Variants in AFF4 observed in about 807,000 individuals in gnomAD.
The protein encoded by AFF4 is AF4/FMR2 family member 4.
A neutral mutation model predicts 124.8 loss-of-function variants in AFF4; 13 were observed. The observed-to-expected ratio is 0.10, with a 90% CI of 0.07 to 0.17. The LOEUF is 0.17. Among genes scored for constraint, AFF4 ranks in the 10% least tolerant of loss-of-function variants. The pLI is 1.00. For synonymous variants in AFF4, 477 were observed against 496.1 expected, an observed-to-expected ratio of 0.96 and a Z score of 0.51; for missense variants, 1,092 against 1,403.8, an observed-to-expected ratio of 0.78 and a Z score of 3.55.
chr5:132,878,836 A>C lies in AFF4; in HGVS notation c.*2223T>G, dbSNP rs2150059557. 1 of 223,986 alleles carries C rather than the reference A, an allele frequency of 4.5e-6. No homozygotes were observed. Among genetic ancestry groups the C allele is most frequent in the Admixed American group, 5.7e-5 (1 of 17,506 alleles). 13.9% of individuals were successfully genotyped at this position (223,986 alleles called of 1,614,324 possible). The stretch of plus-strand genomic sequence containing the variant: ...TTCAGGACATACAAGAGACTAGAAC[A>C]CAAGAACTCAGAGGTATCCCACTGG... On this transcript the variant is annotated 3_prime_UTR_variant, in exon 21 of 21. Coordinates refer to ENST00000265343, the MANE Select transcript of AFF4 (RefSeq NM_014423.4).
chr5:132,881,334 A>G (rs1759973029), intron 20 of AFF4, 148 bp from the exon 21 acceptor site: 1 of 822,474 alleles, frequency 1.2e-6, no homozygotes, highest in South Asian at 1.9e-5. Flanking sequence ...TTTTAGAGCA[A>G]ATCATTCCAT....
At chr5:132,932,289 T>C in intron 3 of AFF4, 67 bp from the exon 4 acceptor site, 1 of 1,354,496 alleles carries the variant, frequency 7.4e-7, no homozygotes, top group Non-Finnish European at 1.0e-6. Flanking sequence ...TTCACAGATT[T>C]AAAAACATTA....
chr5:132,894,876 C>G (rs946007268), intron 11 of AFF4, among the ~76,000 whole-genome samples: 1 of 152,174 alleles, frequency 6.6e-6, no homozygotes, highest in Admixed American at 6.5e-5. Flanking sequence ...ATCACTTGAA[C>G]CCGGCAGTTT....
At position 132,911,634 on chromosome 5, in the gene AFF4, T is replaced by C. The variant is rs192756376; in HGVS notation, c.1051-7230A>G. 5.2e-4 allele frequency among the ~76,000 whole-genome samples: 78 copies of C among 151,224 alleles called. No individual in the cohort carries two copies. In the Middle Eastern group the frequency reaches 0.017, roughly 33 times the overall value. ...TTTAAGGGGCCTAATATACATGTAA[T>C]TGGAGTCCTTGAAGACGACGACAAA... On this transcript the variant is annotated intron_variant, in intron 5 of 20. Coordinates refer to ENST00000265343, the MANE Select transcript of AFF4 (RefSeq NM_014423.4).
At chr5:132,905,048 C>CA (rs66981854) in intron 5 of AFF4, among the ~76,000 whole-genome samples, 62,951 of 118,102 alleles carry the variant, frequency 0.53, 15,753 homozygotes, top group East Asian at 0.78. Context: ...GACTCCATCT[C>CA]AAAAAAAAAA....
At chr5:132,955,311 G>A (rs1013077851) in intron 1 of AFF4, among the ~76,000 whole-genome samples, 1 of 152,046 alleles carries the variant, frequency 6.6e-6, no homozygotes, top group Non-Finnish European at 1.5e-5. Context: ...GGGATGTGAA[G>A]TTCTTATTTA....
chr5:132,880,899 A>G lies in AFF4; in HGVS notation c.*160T>C. 1.2e-6 allele frequency: 1 copy of G among 812,856 alleles called. No individual in the cohort carries two copies. Among genetic ancestry groups the G allele is most frequent in the Non-Finnish European group, 1.8e-6 (1 of 551,212 alleles). The allele number at this position is 812,856 out of a possible 1,614,324, so 50.4% of individuals were successfully genotyped here. A position where few individuals can be genotyped will look rare whatever the true frequency, so the allele number is the denominator to read the frequency against. ...TGGAAATATTAAAGGGCCAACTGAC[A>G]TGATCGCTTTGGATTATCAAAAACA... On this transcript the variant is annotated 3_prime_UTR_variant, in exon 21 of 21. Coordinates refer to ENST00000265343, the MANE Select transcript of AFF4 (RefSeq NM_014423.4).
At chr5:132,891,309 T>G (rs1581273127) in intron 13 of AFF4, among the ~76,000 whole-genome samples, 1 of 152,268 alleles carries the variant, frequency 6.6e-6, no homozygotes, top group South Asian at 2.1e-4. Context: ...AATTTTAATT[T>G]TACCAGTTAA....
intron 5 of AFF4, among the ~76,000 whole-genome samples, chr5:132,919,368 T>C (rs1029228985): frequency 2.6e-5 from 4 of 152,124 alleles, no homozygotes; most frequent in South Asian, 2.1e-4. Context: ...ATGTCAGAAA[T>C]GCATCACACA....
intron 1 of AFF4, among the ~76,000 whole-genome samples, chr5:132,949,351 G>A (rs1761775801): frequency 6.6e-6 from 1 of 151,392 alleles, no homozygotes; most frequent in Admixed American, 6.6e-5. Flanking sequence ...CTGGCTCTCT[G>A]CCATCTTTTG....
rs796272908 is a variant in AFF4, at chr5:132,963,469, G to C, written c.-215C>G. On this transcript the variant is annotated 5_prime_UTR_variant, in exon 1 of 21. Transcript: ENST00000265343. Reference sequence around the variant, plus strand: ...GCGGCGGCAGCGATGCGCCTCACACGGAACAGGCGTAGGCCCCGCACCGCT... The same window carrying C: ...GCGGCGGCAGCGATGCGCCTCACACCGAACAGGCGTAGGCCCCGCACCGCT... 2.5e-6 allele frequency: 1 copy of C among 398,070 alleles called. No homozygotes were observed. Among genetic ancestry groups the C allele is most frequent in the African/African-American group, 2.1e-5 (1 of 48,594 alleles). The allele number at this position is 398,070 out of a possible 1,614,324, so 24.7% of individuals were successfully genotyped here.
chr5:132,880,056 G>A lies in AFF4; in HGVS notation c.*1003C>T, dbSNP rs1305050895. The A allele has an allele frequency of 5.1e-6, 2 of 394,984 alleles. No individual in the cohort carries two copies. Among genetic ancestry groups the A allele is most frequent in the Admixed American group, 4.4e-5 (1 of 22,592 alleles). The allele number at this position is 394,984 out of a possible 1,614,324, so 24.5% of individuals were successfully genotyped here. On this transcript the variant is annotated 3_prime_UTR_variant, in exon 21 of 21. Transcript: ENST00000265343. ...TCAGAGCATCACAATCCAGTATGAGGGGGAAAAATCTGAAAAATAACTCTA... is the reference window on the plus strand; with the variant it reads ...TCAGAGCATCACAATCCAGTATGAGAGGGAAAAATCTGAAAAATAACTCTA...
intron 2 of AFF4, among the ~76,000 whole-genome samples, chr5:132,936,266 CAAAAAA>C (rs747936348): frequency 2.0e-4 from 9 of 45,460 alleles, no homozygotes; most frequent in South Asian, 1.0e-3. Flanking sequence ...GACTCCGTCT[CAAAAAA>C]AAAAAAAAAA....
At chr5:132,888,991 C>A in intron 14 of AFF4, 88 bp downstream of exon 14, 1 of 1,295,938 alleles carries the variant, frequency 7.7e-7, no homozygotes. Flanking sequence ...CCACCGCGCC[C>A]GGCCAATGAT....
chr5:132,949,847 CA>C (rs113489900), intron 1 of AFF4, among the ~76,000 whole-genome samples: 8,512 of 100,076 alleles, frequency 0.085, 772 homozygotes, highest in African/African-American at 0.25. Context: ...GACTCTGTCT[CA>C]AAAAAAAAAA....
At chr5:132,957,011 C>T in intron 1 of AFF4, among the ~76,000 whole-genome samples, 1 of 90,574 alleles carries the variant, frequency 1.1e-5, no homozygotes, top group African/African-American at 4.6e-5. Flanking sequence ...CAGTGTGAGA[C>T]TTCGTCTCAA....
chr5:132,940,630 C>A (rs1761546034), intron 1 of AFF4, among the ~76,000 whole-genome samples: 1 of 152,122 alleles, frequency 6.6e-6, no homozygotes, highest in South Asian at 2.1e-4. Context: ...TAATAAAATT[C>A]TTTCTGTAAT....
chr5:132,882,213 C>CA lies in AFF4; in HGVS notation c.3365-1028dup, dbSNP rs35340388. On this transcript the variant is annotated intron_variant, in intron 20 of 20. Transcript: ENST00000265343. ...TGGGTGACAGAGTAAAACCCTGTCT[C>CA]AAAAAAAAAAAAAAAAAAGTTGGGA... Among the ~76,000 whole-genome samples, 320 of 120,280 alleles carry CA rather than the reference C, an allele frequency of 2.7e-3. 1 individual carries two copies. Among genetic ancestry groups the CA allele is most frequent in the East Asian group, 0.012 (47 of 3,938 alleles). The allele number at this position is 120,280 out of a possible 152,430, so 78.9% of individuals were successfully genotyped here. A position where few individuals can be genotyped will look rare whatever the true frequency, so the allele number is the denominator to read the frequency against.
chr5:132,947,699 C>T (rs1323971563), intron 1 of AFF4, among the ~76,000 whole-genome samples: 2 of 152,172 alleles, frequency 1.3e-5, no homozygotes, highest in Non-Finnish European at 2.9e-5. Flanking sequence ...CACAAAGCCT[C>T]AACAGTACAT....
Sources: gnomAD v4.1 joint callset for allele counts (sites outside exome capture counted in the v4.1 genomes callset) on GRCh38, gnomAD v4.1.1 for gene constraint, MANE v1.5 for transcripts, NCBI Gene and HGNC (gene_info 2026-07-23, HGNC 2026-07-21) for gene names.